The following EIF4H variants were observed in gnomAD, a reference collection of about 807,000 sequenced individuals.
EIF4H encodes the protein Williams-Beuren syndrome chromosome region 1.
EIF4H carries 8 observed loss-of-function variants against 30.6 expected under a neutral mutation model. That is an observed-to-expected ratio of 0.26 (90% CI 0.15 to 0.47). EIF4H has a LOEUF of 0.47. Among genes scored for constraint, EIF4H ranks in the 20% least tolerant of loss-of-function variants. EIF4H has a pLI of 0.99. For synonymous variants in EIF4H, 106 were observed against 122.7 expected (o/e 0.86, Z 0.90); for missense variants, 188 against 339.5 (o/e 0.55, Z 3.51).
At chr7:74,187,245 CATG>C (rs1469620579) in intron 1 of EIF4H, among the ~76,000 whole-genome samples, 1 of 152,052 alleles carries the variant, frequency 6.6e-6, no homozygotes, top group African/African-American at 2.4e-5. Context: ...GCCTGGCCAA[CATG>C]GTGAAACCCT....
At chr7:74,174,495 G>C (rs1378490465) in intron 1 of EIF4H, 53 bp downstream of exon 1, 2 of 1,296,410 alleles carry the variant, frequency 1.5e-6, no homozygotes, top group African/African-American at 3.1e-5. Context: ...GGCGGAGTCG[G>C]GGCCGTCAGG....
chr7:74,187,941 G>A (rs542422016), intron 2 of EIF4H, 143 bp downstream of exon 2: 2 of 935,272 alleles, frequency 2.1e-6, no homozygotes, highest in Admixed American at 3.0e-5. Flanking sequence ...GTGGCCGAAA[G>A]AAACATAACT....
At chr7:74,179,691 T>C (rs574611006) in intron 1 of EIF4H, among the ~76,000 whole-genome samples, 1 of 151,370 alleles carries the variant, frequency 6.6e-6, no homozygotes, top group Admixed American at 6.6e-5. Flanking sequence ...TACCAGTGCA[T>C]ACATTTGTAA....
At chr7:74,174,879 C>A (rs1452577031) in intron 1 of EIF4H, among the ~76,000 whole-genome samples, 1 of 152,226 alleles carries the variant, frequency 6.6e-6, no homozygotes, top group East Asian at 1.9e-4. Flanking sequence ...GCCTTGCAGG[C>A]CCCTGGCCCC....
rs1157704699 is a variant in EIF4H at position 74,195,704 on chromosome 7, C to T, written c.*396C>T. On this transcript the variant is annotated 3_prime_UTR_variant, in exon 7 of 7. Transcript: ENST00000265753. ...TTTACTTTAGACACTGGCCCAACTC[C>T]AGGCGTTTCCTTTCATTCCCTCAGT... 6.0e-6 allele frequency: 1 copy of T among 166,668 alleles called. No homozygotes were observed. Among genetic ancestry groups the T allele is most frequent in the Admixed American group, 6.4e-5 (1 of 15,698 alleles). 10.3% of individuals were successfully genotyped at this position (166,668 alleles called of 1,614,324 possible). A position where few individuals can be genotyped will look rare whatever the true frequency, so the allele number is the denominator to read the frequency against.
At chr7:74,178,974 G>C (rs1213075935) in intron 1 of EIF4H, among the ~76,000 whole-genome samples, 3 of 152,172 alleles carry the variant, frequency 2.0e-5, no homozygotes, top group African/African-American at 7.2e-5. Flanking sequence ...TCAGGGCTAG[G>C]GGGGCCGTCA....
rs1554708149 is a variant in EIF4H at position 74,179,648 on chromosome 7, A to AAAAG, written c.59+5206_59+5207insAAAG. Among the ~76,000 whole-genome samples the AAAAG allele has an allele frequency of 5.3e-5, 8 of 150,496 alleles. 2 individuals are homozygous for AAAAG. Among genetic ancestry groups the AAAAG allele is most frequent in the South Asian group, 4.2e-4 (2 of 4,742 alleles). ...CTCTGTATCAAAAAAAAAAAAAAAA[A>AAAAG]GTCACTTTATCTTGTACTCCGACTG... is the stretch of plus-strand genomic sequence containing the variant. On this transcript the variant is annotated intron_variant, in intron 1 of 6. Transcript: ENST00000265753.
chr7:74,186,289 C>T (rs1191950453), intron 1 of EIF4H, among the ~76,000 whole-genome samples: 1 of 150,976 alleles, frequency 6.6e-6, no homozygotes, highest in Non-Finnish European at 1.5e-5. Context: ...AATGGGCTCA[C>T]TACAACCTCC....
At chr7:74,175,755 G>T (rs1800825936) in intron 1 of EIF4H, among the ~76,000 whole-genome samples, 1 of 148,880 alleles carries the variant, frequency 6.7e-6, no homozygotes, top group Non-Finnish European at 1.5e-5. Flanking sequence ...TCCAAAAAAC[G>T]TTCACAGAAG....
At chr7:74,182,852 A>G (rs1024232499) in intron 1 of EIF4H, among the ~76,000 whole-genome samples, 3 of 152,178 alleles carry the variant, frequency 2.0e-5, no homozygotes, top group Non-Finnish European at 1.5e-5. Flanking sequence ...CTAAGGGTTC[A>G]GTATTGGCCC....
intron 5 of EIF4H, chr7:74,191,236 A>G (rs915646441): frequency 3.7e-6 from 2 of 534,402 alleles, no homozygotes; most frequent in Admixed American, 3.9e-5. Context: ...AAAGTGCAGT[A>G]TGGTGAAGTC....
chr7:74,184,357 A>G (rs1470984092), intron 1 of EIF4H, among the ~76,000 whole-genome samples: 2 of 151,772 alleles, frequency 1.3e-5, no homozygotes, highest in African/African-American at 2.4e-5. Flanking sequence ...TCGCACCTCC[A>G]TTTTCCTTAC....
In EIF4H at chr7:74,174,362, C is replaced by T. The variant is rs781972972; in HGVS notation, c.-22C>T. 1 of 1,440,388 alleles carries T rather than the reference C, an allele frequency of 6.9e-7. No individual in the cohort carries two copies. Among genetic ancestry groups the T allele is most frequent in the Non-Finnish European group, 9.2e-7 (1 of 1,082,148 alleles). The allele number at this position is 1,440,388 out of a possible 1,614,324, so 89.2% of individuals were successfully genotyped here. ...GGGTCCTTCCTCGCTCACCCTGGTT[C>T]CTCTCGGAGCGGAGACGGCAAATGG... On this transcript the variant is annotated 5_prime_UTR_variant, in exon 1 of 7. Transcript: ENST00000265753.
chr7:74,187,498 G>C (rs1431201546), intron 1 of EIF4H, 113 bp from the exon 2 acceptor site: 2 of 1,102,186 alleles, frequency 1.8e-6, no homozygotes, highest in Middle Eastern at 2.2e-4. Flanking sequence ...GTGGTACATC[G>C]AGCAGAGTGC....
chr7:74,184,867 G>T (rs1554708969), intron 1 of EIF4H, among the ~76,000 whole-genome samples: 1 of 152,110 alleles, frequency 6.6e-6, no homozygotes, highest in East Asian at 1.9e-4. Flanking sequence ...TTTTAGTAGA[G>T]ACGGAGTTTT....
chr7:74,176,730 CT>C (rs1170254535), intron 1 of EIF4H, among the ~76,000 whole-genome samples: 1 of 152,160 alleles, frequency 6.6e-6, no homozygotes, highest in South Asian at 2.1e-4. Context: ...TGAACCACTG[CT>C]TTTTTCCCCC....
intron 1 of EIF4H, among the ~76,000 whole-genome samples, chr7:74,177,244 C>T (rs1309975665): frequency 2.0e-5 from 3 of 152,152 alleles, no homozygotes; most frequent in African/African-American, 7.2e-5. Context: ...CTACCACGCC[C>T]AGCCTAGGAG....
At chr7:74,176,391 C>A (rs1244197536) in intron 1 of EIF4H, among the ~76,000 whole-genome samples, 1 of 152,114 alleles carries the variant, frequency 6.6e-6, no homozygotes, top group African/African-American at 2.4e-5. Context: ...GCATTAGCCA[C>A]CGCGCCCGGC....
chr7:74,181,759 G>A (rs1584176072), intron 1 of EIF4H, among the ~76,000 whole-genome samples: 1 of 138,510 alleles, frequency 7.2e-6, no homozygotes, highest in East Asian at 2.2e-4. Context: ...TTTTGAGATG[G>A]AGTCTCACTC....
Sources: allele counts gnomAD v4.1 joint callset (sites outside exome capture counted in the v4.1 genomes callset), GRCh38; gene constraint gnomAD v4.1.1; transcripts MANE v1.5; gene names NCBI Gene and HGNC (gene_info 2026-07-23, HGNC 2026-07-21).